Variants in AP2A2 observed in about 807,000 individuals in gnomAD.
AP2A2 encodes AP-2 complex subunit alpha-2.
A neutral mutation model predicts 104.2 loss-of-function variants in AP2A2; 32 were observed. That is an observed-to-expected ratio of 0.31 (90% CI 0.23 to 0.41). The LOEUF is 0.41. Among genes scored for constraint, AP2A2 ranks in the 10% least tolerant of loss-of-function variants. AP2A2 has a pLI of 1.00. For missense variants in AP2A2, 912 were observed against 1,261.0 expected, an observed-to-expected ratio of 0.72 and a Z score of 4.19; for synonymous variants, 539 against 533.3, an observed-to-expected ratio of 1.01 and a Z score of -0.15.
chr11:947,664 C>T (rs573265288), intron 1 of AP2A2, among the ~76,000 whole-genome samples: 73 of 152,048 alleles, frequency 4.8e-4, no homozygotes, highest in African/African-American at 1.7e-3. Flanking sequence ...GGCATGGTGG[C>T]GTACTTGGAG....
chr11:1,006,677 CT>C (rs1004602570), intron 17 of AP2A2, 60 bp downstream of exon 17: 4 of 1,327,692 alleles, frequency 3.0e-6, no homozygotes, highest in Admixed American at 4.4e-5. Flanking sequence ...TTAGAGGAGG[CT>C]TTTGAGGAAG....
chr11:949,765 ACT>A (rs34481236), intron 1 of AP2A2, among the ~76,000 whole-genome samples: 75,360 of 148,432 alleles, frequency 0.51, 19,677 homozygotes, highest in Middle Eastern at 0.67. Context: ...ACAGAGAGAG[ACT>A]CTGTCTCAAA....
intron 1 of AP2A2, chr11:946,811 C>T (rs1411200979): frequency 7.6e-6 from 1 of 132,208 alleles, no homozygotes; most frequent in Non-Finnish European, 1.7e-5. Flanking sequence ...AAACAATAAA[C>T]AGAGGACATT....
Position 1,011,932 on chromosome 11 carries a change from C to A in AP2A2, c.*1307C>A, listed in dbSNP as rs1856448853. ...GGCTTTGATCACAGCATAGCCACGT[C>A]AGTGGCGTGCGCCTCTCGCACAGGC... On this transcript the variant is annotated 3_prime_UTR_variant, in exon 22 of 22. Coordinates refer to ENST00000448903, the MANE Select transcript of AP2A2 (RefSeq NM_012305.4). 5.7e-6 allele frequency: 1 copy of A among 176,646 alleles called. No homozygotes were observed. The highest frequency in any genetic ancestry group is 2.4e-5 in the African/African-American group (1 of 41,668). 10.9% of individuals were successfully genotyped at this position (176,646 alleles called of 1,614,324 possible).
At chr11:1,008,262 T>C (rs2133791538) in intron 18 of AP2A2, 127 bp downstream of exon 18, 2 of 1,336,674 alleles carry the variant, frequency 1.5e-6, no homozygotes, top group Non-Finnish European at 9.9e-7. Context: ...TCACGGTGCA[T>C]GGATGCGGCC....
intron 21 of AP2A2, 28 bp downstream of exon 21, chr11:1,009,845 C>T: frequency 6.5e-7 from 1 of 1,526,726 alleles, no homozygotes; most frequent in Non-Finnish European, 8.9e-7. Context: ...TGGTGGAACA[C>T]ACTTGAGTTG....
intron 1 of AP2A2, among the ~76,000 whole-genome samples, chr11:950,656 C>T (rs1267653393): frequency 1.3e-5 from 2 of 152,026 alleles, no homozygotes; most frequent in East Asian, 1.9e-4. Context: ...GACTTCATAA[C>T]GTGTGCTACA....
chr11:947,013 T>TC lies in AP2A2; in HGVS notation c.68-12424_68-12423insC, dbSNP rs1554883713. The TC allele has an allele frequency of 2.7e-5, 4 of 145,864 alleles. 1 individual carries two copies. In the Middle Eastern group the frequency reaches 0.014, roughly 517 times the overall value. 9.0% of individuals were successfully genotyped at this position (145,864 alleles called of 1,614,324 possible). ...GTCTCCTGTCTTTTTTTCTTTTCTT[T>TC]TTTTTTTTTTTTTTGAGACGGAGTC... On this transcript the variant is annotated intron_variant, in intron 1 of 21. Coordinates refer to ENST00000448903, the MANE Select transcript of AP2A2 (RefSeq NM_012305.4).
intron 2 of AP2A2, among the ~76,000 whole-genome samples, chr11:967,095 A>T (rs1339218547): frequency 6.6e-6 from 1 of 152,030 alleles, no homozygotes; most frequent in Non-Finnish European, 1.5e-5. Flanking sequence ...TGAACCTGGG[A>T]GGTGGAGGTT....
chr11:1,010,247 G>A, intron 21 of AP2A2: 1 of 529,746 alleles, frequency 1.9e-6, no homozygotes, highest in South Asian at 2.9e-5. Flanking sequence ...TGGCACCCAG[G>A]AGTGCTGCTG....
chr11:960,266 G>A (rs1045191090), intron 2 of AP2A2, among the ~76,000 whole-genome samples: 3 of 145,184 alleles, frequency 2.1e-5, no homozygotes, highest in African/African-American at 7.6e-5. Context: ...TTTTTGAGAT[G>A]GAGTCTTGCT....
rs1855472561 is a variant in AP2A2, at chr11:986,762, C to T, written c.963-23C>T. The T allele has an allele frequency of 1.9e-6, 3 of 1,608,704 alleles. No homozygotes were observed. The African/African-American group carries it at 4.0e-5, about 21-fold the overall frequency. ...GTTGCACTTGCTGAGGAAACCCCAC[C>T]CACTTCCCCTCCCTCCACACAGTGA... On this transcript the variant is annotated intron_variant, in intron 8 of 21. Coordinates refer to ENST00000448903, the MANE Select transcript of AP2A2 (RefSeq NM_012305.4).
At chr11:961,979 G>A (rs994412041) in intron 2 of AP2A2, among the ~76,000 whole-genome samples, 2 of 149,640 alleles carry the variant, frequency 1.3e-5, no homozygotes, top group African/African-American at 2.5e-5. Context: ...TCTGACAGTC[G>A]CCACCACTAG....
chr11:953,234 G>A (rs1222734584), intron 1 of AP2A2, among the ~76,000 whole-genome samples: 5 of 151,716 alleles, frequency 3.3e-5, no homozygotes, highest in African/African-American at 1.2e-4. Context: ...GTGTGATCTC[G>A]GCTCACTGCA....
chr11:939,368 C>T (rs995503190), intron 1 of AP2A2, among the ~76,000 whole-genome samples: 9 of 151,514 alleles, frequency 5.9e-5, no homozygotes, highest in African/African-American at 2.2e-4. Context: ...TAAAAATTTA[C>T]TTTAAGAATG....
chr11:939,019 C>T (rs563175206), intron 1 of AP2A2, among the ~76,000 whole-genome samples: 37 of 151,738 alleles, frequency 2.4e-4, no homozygotes, highest in African/African-American at 8.7e-4. Flanking sequence ...TTTGGGAGGC[C>T]GAGGCGGGTG....
chr11:1,000,695 G>A (rs1273175261), intron 15 of AP2A2, 97 bp downstream of exon 15: 23 of 1,320,744 alleles, frequency 1.7e-5, no homozygotes, highest in Non-Finnish European at 2.2e-5. Flanking sequence ...GTGGGCAGCG[G>A]AGTTTACCTC....
intron 16 of AP2A2, among the ~76,000 whole-genome samples, chr11:1,004,455 A>G (rs1278318889): frequency 6.6e-6 from 1 of 152,154 alleles, no homozygotes; most frequent in Non-Finnish European, 1.5e-5. Flanking sequence ...CCTGGGCAAC[A>G]GAGTGAGACT....
intron 1 of AP2A2, among the ~76,000 whole-genome samples, chr11:930,614 G>A (rs1187127027): frequency 3.9e-5 from 6 of 151,914 alleles, no homozygotes; most frequent in South Asian, 2.1e-4. Context: ...TCCGCCTCCC[G>A]GGTTCACACC....
Sources: allele counts gnomAD v4.1 joint callset (sites outside exome capture counted in the v4.1 genomes callset), GRCh38; gene constraint gnomAD v4.1.1; transcripts MANE v1.5; gene names NCBI Gene and HGNC (gene_info 2026-07-23, HGNC 2026-07-21).